ZBTB20: variants seen among roughly 807,000 people sequenced by gnomAD.
The protein encoded by ZBTB20 is zinc finger and BTB domain-containing protein 20.
In ZBTB20, 9 loss-of-function variants were observed where a neutral mutation model predicts 56.9. The observed-to-expected ratio is 0.16, with a 90% CI of 0.10 to 0.28. The LOEUF (loss-of-function observed/expected upper bound fraction) is 0.28, where lower values mean the gene tolerates loss of function less well. ZBTB20 is among the 10% of genes least tolerant of loss of function. The pLI is 1.00. For synonymous variants in ZBTB20, 417 were observed against 420.7 expected (o/e 0.99, Z 0.11); for missense variants, 655 against 1,003.0 (o/e 0.65, Z 4.69).
intron 3 of ZBTB20, among the ~76,000 whole-genome samples, chr3:114,905,717 C>T (rs180783982): frequency 1.1e-3 from 166 of 151,934 alleles, no homozygotes; most frequent in Admixed American, 2.3e-3. Flanking sequence ...GCTTTTTCTA[C>T]CTATTTTTCC....
intron 1 of ZBTB20, among the ~76,000 whole-genome samples, chr3:115,081,636 G>A (rs1212250742): frequency 6.6e-6 from 1 of 150,826 alleles, no homozygotes. Context: ...AAAATTTGTT[G>A]TGGAGAAGGA....
intron 4 of ZBTB20, among the ~76,000 whole-genome samples, chr3:114,863,480 T>G (rs1321859305): frequency 6.6e-6 from 1 of 152,102 alleles, no homozygotes; most frequent in Non-Finnish European, 1.5e-5. Context: ...AGAAGATAAA[T>G]TATCTAGAGA....
chr3:114,511,668 A>T (rs2045407195), intron 6 of ZBTB20, among the ~76,000 whole-genome samples: 1 of 152,046 alleles, frequency 6.6e-6, no homozygotes, highest in African/African-American at 2.4e-5. Context: ...AATATTTTAA[A>T]TTTTTGTTTA....
intron 7 of ZBTB20, among the ~76,000 whole-genome samples, chr3:114,477,489 CTT>C (rs765333264): frequency 2.7e-5 from 3 of 109,254 alleles, no homozygotes; most frequent in Non-Finnish European, 3.7e-5. Context: ...GTTCCCTGCA[CTT>C]TTTTTTTTTT....
intron 2 of ZBTB20, among the ~76,000 whole-genome samples, chr3:115,022,476 G>C (rs2108308198): frequency 6.6e-6 from 1 of 151,136 alleles, no homozygotes; most frequent in East Asian, 1.9e-4. Flanking sequence ...ACTGACAACT[G>C]CTCTTTAATT....
intron 7 of ZBTB20, among the ~76,000 whole-genome samples, chr3:114,443,836 T>C (rs1007046099): frequency 6.6e-6 from 1 of 152,226 alleles, no homozygotes; most frequent in Non-Finnish European, 1.5e-5. Context: ...AAGGCAGATA[T>C]CGTTTTTCTC....
intron 2 of ZBTB20, among the ~76,000 whole-genome samples, chr3:115,035,183 G>A (rs2108363318): frequency 6.6e-6 from 1 of 152,014 alleles, no homozygotes; most frequent in East Asian, 1.9e-4. Context: ...TATGACAACA[G>A]GCCATAGGCA....
chr3:114,415,294 C>T (rs932396966), intron 7 of ZBTB20, among the ~76,000 whole-genome samples: 2 of 152,064 alleles, frequency 1.3e-5, no homozygotes, highest in African/African-American at 4.8e-5. Context: ...AGAAAAATGT[C>T]AGAAATGACT....
chr3:114,392,815 C>T (rs1021944949), intron 7 of ZBTB20, among the ~76,000 whole-genome samples: 6 of 152,130 alleles, frequency 3.9e-5, no homozygotes, highest in Non-Finnish European at 7.4e-5. Context: ...CTTCTCTATC[C>T]TTATCCTCAA....
intron 6 of ZBTB20, among the ~76,000 whole-genome samples, chr3:114,619,166 T>C (rs2058144185): frequency 6.6e-6 from 1 of 152,170 alleles, no homozygotes; most frequent in Admixed American, 6.6e-5. Flanking sequence ...ATGTTCTCCA[T>C]TAGTGTTAAC....
intron 4 of ZBTB20, among the ~76,000 whole-genome samples, chr3:114,842,230 T>C (rs1309625326): frequency 6.6e-6 from 1 of 152,174 alleles, no homozygotes; most frequent in Non-Finnish European, 1.5e-5. Flanking sequence ...TTCTTCTTTG[T>C]TGTTAGCCTG....
At chr3:114,506,080 T>C (rs922375012) in intron 6 of ZBTB20, among the ~76,000 whole-genome samples, 1 of 152,152 alleles carries the variant, frequency 6.6e-6, no homozygotes, top group Admixed American at 6.6e-5. Context: ...TGTATTTTCA[T>C]TCCTTTTGGT....
intron 6 of ZBTB20, among the ~76,000 whole-genome samples, chr3:114,524,975 A>G (rs1247270564): frequency 6.6e-6 from 1 of 152,072 alleles, no homozygotes; most frequent in Non-Finnish European, 1.5e-5. Flanking sequence ...TGGCCTCCCA[A>G]AATGTTGGGA....
At chr3:114,389,415 A>C (rs532579338) in intron 7 of ZBTB20, among the ~76,000 whole-genome samples, 4 of 152,114 alleles carry the variant, frequency 2.6e-5, no homozygotes, top group African/African-American at 9.6e-5. Flanking sequence ...TGGGGGAAGG[A>C]AGTAGAAACA....
intron 3 of ZBTB20, among the ~76,000 whole-genome samples, chr3:114,973,128 T>C (rs759020215): frequency 2.2e-4 from 33 of 152,202 alleles, no homozygotes; most frequent in Non-Finnish European, 4.1e-4. Flanking sequence ...AGAATTCTCG[T>C]TAACTACCTT....
chr3:114,361,522 T>C (rs1293705978), intron 10 of ZBTB20, among the ~76,000 whole-genome samples: 1 of 152,178 alleles, frequency 6.6e-6, no homozygotes, highest in Admixed American at 6.5e-5. Context: ...AATGGCCAGG[T>C]TTTTGTATAC....
At chr3:114,546,183 T>A (rs539871813) in intron 6 of ZBTB20, among the ~76,000 whole-genome samples, 4 of 150,736 alleles carry the variant, frequency 2.7e-5, no homozygotes, top group Admixed American at 2.6e-4. Context: ...AGCCAGTCAG[T>A]CTCTGGCAGC....
chr3:114,499,925 T>C (rs1298022569), intron 7 of ZBTB20, among the ~76,000 whole-genome samples: 1 of 152,188 alleles, frequency 6.6e-6, no homozygotes, highest in African/African-American at 2.4e-5. Flanking sequence ...TGTCAATAAA[T>C]GAAAGCTCTG....
At position 114,524,197 on chromosome 3, in the gene ZBTB20, A is replaced by G. The variant is rs78834979; in HGVS notation, c.-294-23806T>C. ...ATGAATTAGGGGTCCTAGTGGGTTTAAGGAATTGGTGTATTAGGGGTAACA... is the reference window on the plus strand; with the variant it reads ...ATGAATTAGGGGTCCTAGTGGGTTTGAGGAATTGGTGTATTAGGGGTAACA... On this transcript the variant is annotated intron_variant, in intron 6 of 11. Transcript: ENST00000675478. Among the ~76,000 whole-genome samples the G allele has an allele frequency of 1.9e-4, 29 of 152,310 alleles. No homozygotes were observed. The East Asian group carries it at 5.4e-3, about 28-fold the overall frequency.
Sources: allele counts gnomAD v4.1 joint callset (sites outside exome capture counted in the v4.1 genomes callset), GRCh38; gene constraint gnomAD v4.1.1; transcripts MANE v1.5; gene names NCBI Gene and HGNC (gene_info 2026-07-23, HGNC 2026-07-21).